Variants in MECR observed in about 807,000 individuals in gnomAD.
The protein encoded by MECR is mitochondrial trans-2-enoyl-CoA reductase, also known as enoyl-[acyl-carrier-protein] reductase, mitochondrial.
In MECR, 37 loss-of-function variants were observed where a neutral mutation model predicts 49.1. That is an observed-to-expected ratio of 0.75 (90% confidence interval 0.58 to 0.99). The LOEUF (loss-of-function observed/expected upper bound fraction) is 0.99, where lower values mean the gene tolerates loss of function less well. Among genes scored for constraint, MECR ranks in the 50% least tolerant of loss-of-function variants. MECR has a pLI of 0.00. For missense variants in MECR, 470 were observed against 479.6 expected, an observed-to-expected ratio of 0.98 and a Z score of 0.19; for synonymous variants, 198 against 191.1, an observed-to-expected ratio of 1.04 and a Z score of -0.30.
chr1:29,176,867 C>T, the MECR span, among the ~76,000 whole-genome samples: 1 of 152,282 alleles, frequency 6.6e-6, no homozygotes, highest in East Asian at 1.9e-4. Context: ...TTCCATGAAA[C>T]GCAGGTTCTG....
chr1:29,229,058 C>T (rs1352192803), intron 1 of MECR: 3 of 152,170 alleles, frequency 2.0e-5, no homozygotes, highest in Admixed American at 6.5e-5. Context: ...TTATTACCTA[C>T]GATCAACATA....
At chr1:29,190,867 G>A (rs1274127907), downstream of MECR, among the ~76,000 whole-genome samples, 4 of 151,868 alleles carry the variant, frequency 2.6e-5, no homozygotes, top group African/African-American at 9.7e-5. Flanking sequence ...CATCACTTGC[G>A]GGGGCAGATC....
the MECR span, among the ~76,000 whole-genome samples, chr1:29,167,983 C>T: frequency 6.6e-6 from 1 of 151,446 alleles, no homozygotes; most frequent in African/African-American, 2.4e-5. Flanking sequence ...CTCTAAAAAT[C>T]CCAGCTCTAA....
the MECR span, chr1:29,171,790 T>A: frequency 6.6e-6 from 1 of 152,142 alleles, no homozygotes; most frequent in Non-Finnish European, 1.5e-5. Context: ...CCTGTGCCTA[T>A]CTTTTAAGAA....
the MECR span, among the ~76,000 whole-genome samples, chr1:29,177,282 TG>T: frequency 5.6e-4 from 77 of 138,196 alleles, no homozygotes; most frequent in African/African-American, 2.0e-3. Context: ...TAACTCTTTT[TG>T]TTTTTTTTTT....
At chr1:29,188,036 C>CAAAAA (rs57284689), downstream of MECR, among the ~76,000 whole-genome samples, 127 of 66,236 alleles carry the variant, frequency 1.9e-3, 5 homozygotes, top group African/African-American at 6.3e-3. Context: ...GACTCTGTCT[C>CAAAAA]AAAAAAAAAA....
At position 29,201,426 on chromosome 1, in the gene MECR, A is replaced by G. The variant is rs200998198; in HGVS notation, c.756+517T>C. The G allele has an allele frequency of 1.7e-3, 917 of 531,888 alleles. 4 individuals carry two copies. The highest frequency in any genetic ancestry group is 3.3e-3 in the Admixed American group (170 of 51,270). 32.9% of individuals were successfully genotyped at this position (531,888 alleles called of 1,614,324 possible). ...GAAGGTTAAGAGGCTTTGAGTTCGG[A>G]GAGACTGAGGCCAGCTCTGACTCTC... On this transcript the variant is annotated intron_variant, in intron 6 of 9. Transcript: ENST00000263702. The surrounding 1 kb of genome is among the most constrained non-coding windows in gnomAD (Gnocchi z 4.3).
intron 3 of MECR, among the ~76,000 whole-genome samples, chr1:29,213,241 G>A (rs1293357458): frequency 1.3e-5 from 2 of 152,196 alleles, no homozygotes; most frequent in Non-Finnish European, 2.9e-5. Flanking sequence ...GGGCTGGCCC[G>A]AAGCACTGGC....
Position 29,216,679 on chromosome 1 carries a change from C to A in MECR, c.183G>T (p.Lys61Asn), listed in dbSNP as rs1679487951. Residue 61 changes from lysine to asparagine, a missense_variant, in exon 2 of 10, where the codon AAG becomes AAT. By Grantham distance (94) the Lys-to-Asn change is moderately conservative (BLOSUM62 0). Transcript: ENST00000263702. ...HGDPAKVVEL[K>N]NLELAAVRGS... ...CTCTCACAGCAGCTAGCTCCAGGTT[C>A]TTGAGTCTAAGCACAAAGCCAAACG... The A allele has an allele frequency of 6.2e-7, 1 of 1,614,088 alleles. No individual in the cohort carries two copies. Among genetic ancestry groups the A allele is most frequent in the Admixed American group, 1.7e-5 (1 of 60,012 alleles).
chr1:29,198,344 G>A (rs1310132952), intron 7 of MECR, among the ~76,000 whole-genome samples: 2 of 152,198 alleles, frequency 1.3e-5, no homozygotes, highest in African/African-American at 4.8e-5. Context: ...ATGAAGAGAC[G>A]GAGGCCTGGA....
At chr1:29,210,157 C>G (rs192363571) in intron 3 of MECR, among the ~76,000 whole-genome samples, 1 of 152,048 alleles carries the variant, frequency 6.6e-6, no homozygotes, top group Non-Finnish European at 1.5e-5. Context: ...ACTACACGTG[C>G]CCGCCACCAC....
chr1:29,213,133 G>C (rs562238486), intron 3 of MECR, among the ~76,000 whole-genome samples: 1 of 152,362 alleles, frequency 6.6e-6, no homozygotes, highest in Admixed American at 6.5e-5. Context: ...ATTGTATTAA[G>C]TGTTGTTTTT....
the MECR span, among the ~76,000 whole-genome samples, chr1:29,175,023 C>T: frequency 4.6e-5 from 7 of 150,748 alleles, no homozygotes; most frequent in Admixed American, 1.3e-4. Context: ...AGACAGAGTG[C>T]GTGCGTGCAC....
At chr1:29,196,034 T>C in intron 8 of MECR, 21 bp from the exon 9 acceptor site, 1 of 1,613,920 alleles carries the variant, frequency 6.2e-7, no homozygotes, top group Admixed American at 1.7e-5. Context: ...AGGAAGGACA[T>C]GCTGGGCTCT....
chr1:29,225,162 T>G (rs78852165), intron 1 of MECR, among the ~76,000 whole-genome samples: 1 of 152,200 alleles, frequency 6.6e-6, no homozygotes, highest in East Asian at 1.9e-4. Flanking sequence ...CCGCTTAAGC[T>G]TGAGCCCTGT....
At chr1:29,181,919 T>C in the MECR span, 2 of 456,268 alleles carry the variant, frequency 4.4e-6, no homozygotes, top group Non-Finnish European at 7.3e-6. Context: ...AGCGCGCGCT[T>C]CCACTTCCCC....
In MECR at chr1:29,194,030, T is replaced by C. The variant is rs60891833; in HGVS notation, c.1114A>G (p.Thr372Ala). The change falls in exon 10 of 10, where the codon ACC becomes GCC. Residue 372 changes from threonine to alanine, a missense_variant. Thr to Ala is a moderately conservative substitution (Grantham distance 58). Transcript: ENST00000263702. ...KPFISSKQIL[T>A]M ...CAGCTCTTTTGGGATGATCACATGG[T>C]GAGAATCTGCTTTGAAGATATGAAG... 4.5e-4 allele frequency: 732 copies of C among 1,613,970 alleles called. 3 individuals carry two copies. In the African/African-American group the frequency reaches 7.1e-3, roughly 16 times the overall value.
At chr1:29,186,021 G>A in the MECR span, among the ~76,000 whole-genome samples, 3 of 152,110 alleles carry the variant, frequency 2.0e-5, no homozygotes, top group Admixed American at 6.5e-5. Context: ...AAAAAACCAC[G>A]AAAACAAAAA....
At chr1:29,216,351 C>T (rs1679407138) in intron 2 of MECR, among the ~76,000 whole-genome samples, 1 of 152,142 alleles carries the variant, frequency 6.6e-6, no homozygotes, top group Admixed American at 6.5e-5. Flanking sequence ...GAAATGAAAC[C>T]AGCATGTCGC....
Sources: gnomAD v4.1 joint callset for allele counts (sites outside exome capture counted in the v4.1 genomes callset) on GRCh38, gnomAD v4.1.1 for gene constraint, Gnocchi (gnomAD v3.1) non-coding constraint, MANE v1.5 for transcripts, NCBI Gene and HGNC (gene_info 2026-07-23, HGNC 2026-07-21) for gene names.